Variants in PRDM1 observed in about 807,000 individuals in gnomAD.
PRDM1 encodes the protein PR domain zinc finger protein 1.
A neutral mutation model predicts 62.8 loss-of-function variants in PRDM1; 13 were observed. The ratio of observed to expected loss-of-function variants is 0.21; its 90% CI spans 0.13 to 0.33. The LOEUF (loss-of-function observed/expected upper bound fraction) is 0.33. Ranked by LOEUF, PRDM1 falls within the 10% of genes least tolerant of loss-of-function variation. The pLI is 1.00. For missense variants in PRDM1, 895 were observed against 1,058.8 expected (o/e 0.85, Z 2.15); for synonymous variants, 396 against 417.6 (o/e 0.95, Z 0.63).
At chr6:106,034,465 C>G (rs1021594673) in intron 1 of PRDM1, among the ~76,000 whole-genome samples, 2 of 151,834 alleles carry the variant, frequency 1.3e-5, no homozygotes, top group African/African-American at 4.8e-5. Context: ...TCATGCATCT[C>G]TAATTATTTT....
chr6:106,016,751 C>T (rs560472118), intron 1 of PRDM1, among the ~76,000 whole-genome samples: 6 of 150,474 alleles, frequency 4.0e-5, no homozygotes, highest in African/African-American at 1.2e-4. Flanking sequence ...TGGGTTCAAG[C>T]GATTCTCCTG....
intron 1 of PRDM1, among the ~76,000 whole-genome samples, chr6:106,041,086 G>A (rs929069633): frequency 6.6e-6 from 1 of 152,162 alleles, no homozygotes; most frequent in Non-Finnish European, 1.5e-5. Flanking sequence ...GGAATCCTAT[G>A]GCACCACATA....
chr6:106,014,823 A>G (rs1193200487), intron 1 of PRDM1, among the ~76,000 whole-genome samples: 3 of 151,986 alleles, frequency 2.0e-5, no homozygotes, highest in Non-Finnish European at 2.9e-5. Flanking sequence ...TTTCTTTTTT[A>G]AAATAACCAA....
chr6:106,048,685 G>A (rs1363851699), exon 1 of PRDM1, among the ~76,000 whole-genome samples: 2 of 152,158 alleles, frequency 1.3e-5, no homozygotes, highest in Non-Finnish European at 2.9e-5. Flanking sequence ...GGAGAGAAAT[G>A]TGTTTTATGG....
chr6:106,087,618 C>T lies in PRDM1; in HGVS notation c.43-583C>T, dbSNP rs984856442. On this transcript the variant is annotated intron_variant, in intron 1 of 6. Transcript: ENST00000369096. ...CCATGTGAGAGGATGAAAGAGAGCT[C>T]GCAGCAGAGGGAGGAGGCAGTTGTT... 5.2e-5 allele frequency: 12 copies of T among 232,492 alleles called. No individual in the cohort carries two copies. The Admixed American group carries it at 6.2e-4, about 12-fold the overall frequency. 14.4% of individuals were successfully genotyped at this position (232,492 alleles called of 1,614,324 possible).
At chr6:106,002,621 C>T (rs1043319407) in intron 1 of PRDM1, among the ~76,000 whole-genome samples, 1 of 152,012 alleles carries the variant, frequency 6.6e-6, no homozygotes, top group Non-Finnish European at 1.5e-5. Flanking sequence ...TTTTTATTAT[C>T]CTCATCAAAT....
intron 1 of PRDM1, among the ~76,000 whole-genome samples, chr6:106,080,674 C>G (rs1208448453): frequency 6.6e-6 from 1 of 152,204 alleles, no homozygotes; most frequent in Non-Finnish European, 1.5e-5. Context: ...GGACAGAGCT[C>G]TCCTCCCAGG....
rs1046000175 is a variant in PRDM1 at position 106,109,316 on chromosome 6, T to C, written c.*1830T>C. On this transcript the variant is annotated 3_prime_UTR_variant, in exon 7 of 7. Transcript: ENST00000369096. ...GCTCTATTTTTTTTTTGCCACTTTATGATTATGTGGTCACACCCAAGTCAC... is the reference window on the plus strand; with the variant it reads ...GCTCTATTTTTTTTTTGCCACTTTACGATTATGTGGTCACACCCAAGTCAC... 5.6e-5 allele frequency: 13 copies of C among 232,682 alleles called. No individual in the cohort carries two copies. The highest frequency in any genetic ancestry group is 2.9e-4 in the African/African-American group (13 of 45,304). The allele number at this position is 232,682 out of a possible 1,614,324, so 14.4% of individuals were successfully genotyped here.
At chr6:106,014,754 A>G (rs549317647) in intron 1 of PRDM1, among the ~76,000 whole-genome samples, 2 of 150,784 alleles carry the variant, frequency 1.3e-5, no homozygotes, top group Non-Finnish European at 3.0e-5. Flanking sequence ...GATAGAACAC[A>G]TTTTTTTTTA....
At chr6:106,101,620 C>T (rs9486277) in intron 4 of PRDM1, among the ~76,000 whole-genome samples, 1 of 152,282 alleles carries the variant, frequency 6.6e-6, no homozygotes, top group African/African-American at 2.4e-5. Context: ...ATTCCTGCTG[C>T]CAGTTGTGAA....
rs148214527 is a variant in PRDM1 at position 106,107,194 on chromosome 6, A to T, written c.2186A>T (p.Glu729Val). Residue 729 changes from glutamate (E) to valine (V), a missense_variant, in exon 7 of 7, where the codon GAA (glutamate) becomes GTA (valine). Physicochemically the swap from Glu to Val is moderately radical, Grantham distance 121. Transcript: ENST00000369096. ...PLEDLTRINE[E>V]IEKFDISDNA... ...GAAGATCTGACCCGAATCAATGAAGAAATCGAGAAGTTTGACATCAGTGAC... is the reference window on the plus strand; with the variant it reads ...GAAGATCTGACCCGAATCAATGAAGTAATCGAGAAGTTTGACATCAGTGAC... 78 of 1,614,216 alleles carry T rather than the reference A, an allele frequency of 4.8e-5. No homozygotes were observed. The highest frequency in any genetic ancestry group is 6.1e-5 in the Non-Finnish European group (72 of 1,180,044).
At chr6:106,067,938 A>G (rs1228225702) in intron 1 of PRDM1, among the ~76,000 whole-genome samples, 1 of 152,206 alleles carries the variant, frequency 6.6e-6, no homozygotes, top group Non-Finnish European at 1.5e-5. Flanking sequence ...TATCTTCAGC[A>G]ACAACTTATT....
Position 106,109,746 on chromosome 6 carries a change from T to A in PRDM1, c.*2260T>A, listed in dbSNP as rs567447855. On this transcript the variant is annotated 3_prime_UTR_variant, in exon 7 of 7. Coordinates refer to ENST00000369096, the MANE Select transcript of PRDM1 (RefSeq NM_001198.4). ...ATCCTTCTCTTTTCTGCCTCTTACA[T>A]GTGAATGTTGAGCCCACAATCAACA... The A allele has an allele frequency of 4.3e-5, 10 of 233,186 alleles. No individual in the cohort carries two copies. Among genetic ancestry groups the A allele is most frequent in the Non-Finnish European group, 7.6e-5 (9 of 117,724 alleles). 14.4% of individuals were successfully genotyped at this position (233,186 alleles called of 1,614,324 possible). A position where few individuals can be genotyped will look rare whatever the true frequency, so the allele number is the denominator to read the frequency against.
chr6:106,066,737 G>A (rs1773439979), intron 1 of PRDM1, among the ~76,000 whole-genome samples: 2 of 152,094 alleles, frequency 1.3e-5, no homozygotes, highest in Non-Finnish European at 2.9e-5. Context: ...TGTGTTTCTA[G>A]TCTTTTTTTC....
chr6:106,024,014 C>T (rs912131676), intron 1 of PRDM1, among the ~76,000 whole-genome samples: 1 of 152,010 alleles, frequency 6.6e-6, no homozygotes, highest in Non-Finnish European at 1.5e-5. Context: ...TGGTAGCACG[C>T]GCCTGTAGTC....
chr6:106,105,461 T>G lies in PRDM1; in HGVS notation c.1301T>G (p.Ile434Ser). The G allele has an allele frequency of 6.2e-7, 1 of 1,614,102 alleles. No homozygotes were observed. The highest frequency in any genetic ancestry group is 8.5e-7 in the Non-Finnish European group (1 of 1,180,008). ...GLSAVSSMNG[I>S]NNFGLFPRLC... ...AGCGCTGTGAGCAGCATGAATGGCA[T>G]CAACAACTTTGGCCTCTTCCCGAGG... The change falls in exon 5 of 7, where the codon ATC (isoleucine) becomes AGC (serine). Residue 434 changes from isoleucine (I) to serine (S), a missense_variant. By Grantham distance (142) the Ile-to-Ser change is moderately radical (BLOSUM62 -2). This residue lies in a region of PRDM1 where 444 missense variants were observed against 422.7 expected (regional missense o/e 1.05). Transcript: ENST00000369096.
intron 3 of PRDM1, 58 bp downstream of exon 3, chr6:106,095,792 G>A: frequency 6.3e-7 from 1 of 1,583,370 alleles, no homozygotes; most frequent in Non-Finnish European, 8.6e-7. Flanking sequence ...GGAGCTAAAA[G>A]AGCTGGGTGG....
chr6:106,080,756 G>A (rs1773681267), intron 1 of PRDM1, among the ~76,000 whole-genome samples: 1 of 152,226 alleles, frequency 6.6e-6, no homozygotes, highest in Non-Finnish European at 1.5e-5. Context: ...CCTAAAGGCA[G>A]TGCCTGTTCT....
chr6:106,028,049 C>A (rs1772789676), intron 1 of PRDM1, among the ~76,000 whole-genome samples: 1 of 152,180 alleles, frequency 6.6e-6, no homozygotes, highest in Non-Finnish European at 1.5e-5. Context: ...CCTCTTCTAC[C>A]CTAAAAAACA....
Sources: gnomAD v4.1 joint callset for allele counts (sites outside exome capture counted in the v4.1 genomes callset) on GRCh38, gnomAD v4.1.1 for gene constraint, gnomAD v4.1.1 regional missense constraint, MANE v1.5 for transcripts, NCBI Gene and HGNC (gene_info 2026-07-23, HGNC 2026-07-21) for gene names.